The following PCDHGA2 variants were observed in gnomAD, a reference collection of about 807,000 sequenced individuals.
PCDHGA2 encodes protocadherin gamma subfamily A, 2.
PCDHGA2 carries 40 observed loss-of-function variants against 59.2 expected under a neutral mutation model. That is an observed-to-expected ratio of 0.68 (90% CI 0.52 to 0.88). PCDHGA2 has a LOEUF of 0.88. Among genes scored for constraint, PCDHGA2 ranks in the 40% least tolerant of loss-of-function variants. The pLI is 0.00. For missense variants in PCDHGA2, 1,226 were observed against 1,204.0 expected, an observed-to-expected ratio of 1.02 and a Z score of -0.27; for synonymous variants, 560 against 526.0, an observed-to-expected ratio of 1.06 and a Z score of -0.89.
chr5:141,410,155 G>T, intron 1 of PCDHGA2: 1 of 1,612,898 alleles, frequency 6.2e-7, no homozygotes. Context: ...ACGGTGGACA[G>T]CCGCCACTCT....
chr5:141,366,146 T>C, intron 1 of PCDHGA2: 1 of 1,614,182 alleles, frequency 6.2e-7, no homozygotes, highest in South Asian at 1.1e-5. Flanking sequence ...CTGGCTGTCC[T>C]ACCGCCTGCT....
At chr5:141,370,519 A>G (rs1766991925) in intron 1 of PCDHGA2, 1 of 1,613,730 alleles carries the variant, frequency 6.2e-7, no homozygotes, top group South Asian at 1.1e-5. Context: ...GAGGAGCTGG[A>G]CAGGGGCTCG....
At chr5:141,383,719 A>G in intron 1 of PCDHGA2, 1 of 1,613,984 alleles carries the variant, frequency 6.2e-7, no homozygotes, top group Non-Finnish European at 8.5e-7. Flanking sequence ...CGAGGGAGTC[A>G]ATGGGGAAGT....
Position 141,476,538 on chromosome 5 carries a change from A to G in PCDHGA2, c.2425-18269A>G, listed in dbSNP as rs2099393283. ...CCTGCTTTCCCTACCCAGGAAATGAAATTGGAGATTAGCGAGGCCGTGGCT... is the reference window on the plus strand; with the variant it reads ...CCTGCTTTCCCTACCCAGGAAATGAGATTGGAGATTAGCGAGGCCGTGGCT... On this transcript the variant is annotated intron_variant, in intron 1 of 3. Coordinates refer to ENST00000394576, the MANE Select transcript of PCDHGA2 (RefSeq NM_018915.4). The surrounding 1 kb of genome is among the most constrained non-coding windows in gnomAD (Gnocchi z 7.6). 1.2e-6 allele frequency: 2 copies of G among 1,614,162 alleles called. No homozygotes were observed. Among genetic ancestry groups the G allele is most frequent in the Non-Finnish European group, 1.7e-6 (2 of 1,180,042 alleles).
At chr5:141,388,228 A>G (rs768450383) in intron 1 of PCDHGA2, 9 of 1,605,464 alleles carry the variant, frequency 5.6e-6, no homozygotes, top group Non-Finnish European at 7.7e-6. Context: ...AATCCACTGA[A>G]CTTTTATCAC....
chr5:141,485,744 G>T lies in PCDHGA2; in HGVS notation c.2425-9063G>T. 1 of 1,614,226 alleles carries T rather than the reference G, an allele frequency of 6.2e-7. No individual in the cohort carries two copies. Among genetic ancestry groups the T allele is most frequent in the Non-Finnish European group, 8.5e-7 (1 of 1,180,038 alleles). On this transcript the variant is annotated intron_variant, in intron 1 of 3. Transcript: ENST00000394576. The surrounding 1 kb of genome is among the most constrained non-coding windows in gnomAD (Gnocchi z 5.7). ...GAAGAAGCGCAGCGACGGCAGCCTG[G>T]TCCCAGAGCTGCTCCTGGAGAAGCC...
chr5:141,499,402 A>G (rs2099791723), intron 2 of PCDHGA2, among the ~76,000 whole-genome samples: 2 of 152,212 alleles, frequency 1.3e-5, no homozygotes, highest in South Asian at 4.1e-4. Context: ...GTACATGCTC[A>G]TTATAGAAAC....
chr5:141,418,314 C>T, intron 1 of PCDHGA2: 1 of 1,613,988 alleles, frequency 6.2e-7, no homozygotes. Context: ...GGGATGGGAA[C>T]AATTCTTGAG....
In PCDHGA2 at chr5:141,483,413, G is replaced by A. The variant is rs112015754; in HGVS notation, c.2425-11394G>A. 5.9e-4 allele frequency among the ~76,000 whole-genome samples: 90 copies of A among 152,300 alleles called. 1 individual carries two copies. Among genetic ancestry groups the A allele is most frequent in the African/African-American group, 1.7e-3 (69 of 41,584 alleles). ...AAATGCTTGAACCAGCACAGTGGCA[G>A]TACAGATGGAGGGAGCTGACTACAA... On this transcript the variant is annotated intron_variant, in intron 1 of 3. Transcript: ENST00000394576.
At chr5:141,400,514 A>T in intron 1 of PCDHGA2, 1 of 1,613,950 alleles carries the variant, frequency 6.2e-7, no homozygotes, top group South Asian at 1.1e-5. Context: ...TCGACTTCCC[A>T]TCCTGAGTTG....
chr5:141,481,104 C>T (rs2099531861), intron 1 of PCDHGA2, among the ~76,000 whole-genome samples: 1 of 152,130 alleles, frequency 6.6e-6, no homozygotes. Context: ...ACTCTGGAAC[C>T]TACCAATCCA....
chr5:141,418,990 G>A (rs1029969170), intron 1 of PCDHGA2: 1 of 1,613,784 alleles, frequency 6.2e-7, no homozygotes, highest in African/African-American at 1.3e-5. Flanking sequence ...AAGACTCAGG[G>A]GAAAATGGGG....
At chr5:141,399,681 C>G (rs2093865042) in intron 1 of PCDHGA2, 1 of 1,613,408 alleles carries the variant, frequency 6.2e-7, no homozygotes, top group South Asian at 1.1e-5. Flanking sequence ...CCTTTGACTA[C>G]GAGCAGCTGC....
At chr5:141,446,390 G>A (rs2098500089) in intron 1 of PCDHGA2, among the ~76,000 whole-genome samples, 1 of 152,284 alleles carries the variant, frequency 6.6e-6, no homozygotes, top group African/African-American at 2.4e-5. Context: ...ATAGATTTAA[G>A]AGAAATCGAG....
intron 1 of PCDHGA2, among the ~76,000 whole-genome samples, chr5:141,347,770 G>A (rs978694292): frequency 1.2e-4 from 18 of 150,374 alleles, no homozygotes; most frequent in Non-Finnish European, 2.4e-4. Context: ...TGGGGCAATA[G>A]AGAGAGACTC....
At chr5:141,398,844 C>A in intron 1 of PCDHGA2, 1 of 1,613,966 alleles carries the variant, frequency 6.2e-7, no homozygotes, top group Non-Finnish European at 8.5e-7. Context: ...ATGATAATCC[C>A]CCGGTATTCA....
chr5:141,446,747 G>A (rs997132200), intron 1 of PCDHGA2, among the ~76,000 whole-genome samples: 10 of 152,190 alleles, frequency 6.6e-5, no homozygotes, highest in African/African-American at 1.4e-4. Context: ...GATTACAGGC[G>A]TGAGCCACCG....
chr5:141,376,553 G>T, intron 1 of PCDHGA2: 1 of 1,610,804 alleles, frequency 6.2e-7, no homozygotes, highest in Non-Finnish European at 8.5e-7. Flanking sequence ...TGATCTTCCC[G>T]CAACCCAACT....
intron 1 of PCDHGA2, chr5:141,362,464 G>T: frequency 1.9e-6 from 3 of 1,614,038 alleles, no homozygotes; most frequent in Middle Eastern, 3.3e-4. Context: ...ATTGGTTCCC[G>T]CGCAAGATCT....
Sources: gnomAD v4.1 joint callset for allele counts (sites outside exome capture counted in the v4.1 genomes callset) on GRCh38, gnomAD v4.1.1 for gene constraint, Gnocchi (gnomAD v3.1) non-coding constraint, MANE v1.5 for transcripts, NCBI Gene and HGNC (gene_info 2026-07-23, HGNC 2026-07-21) for gene names.